The following AAGAB variants were observed in gnomAD, a reference collection of about 807,000 sequenced individuals.
The protein encoded by AAGAB is alpha- and gamma-adaptin-binding protein p34.
Under a neutral mutation model 44.1 loss-of-function variants are expected in AAGAB, and 38 were observed. That is an observed-to-expected ratio of 0.86 (90% CI 0.67 to 1.13). The LOEUF is 1.13. AAGAB is among the 50% of genes most tolerant of loss of function. The probability of loss-of-function intolerance (pLI) is 0.00; values close to 1 mark genes in which losing one functional copy is unlikely to be tolerated. For missense variants in AAGAB, 450 were observed against 373.8 expected (o/e 1.20, Z -1.68); for synonymous variants, 131 against 131.8 (o/e 0.99, Z 0.04).
Position 67,202,877 on chromosome 15 carries a change from C to T in AAGAB, c.892G>A (p.Ala298Thr), listed in dbSNP as rs1315807460. 8.1e-6 allele frequency: 13 copies of T among 1,613,972 alleles called. No homozygotes were observed. The highest frequency in any genetic ancestry group is 1.1e-5 in the Non-Finnish European group (13 of 1,179,962). The change falls in exon 10 of 10, where the codon GCA (alanine) becomes ACA (threonine). Residue 298 changes from alanine to threonine, a missense_variant. Physicochemically the swap from Ala to Thr is moderately conservative, Grantham distance 58 (BLOSUM62 0). Transcript: ENST00000261880. Reference protein sequence around the residue: ...AEKVAKAFWMAIGGDRDEIEG... With the variant: ...AEKVAKAFWMTIGGDRDEIEG... ...ATTTCATCTCTGTCTCCCCCGATTG[C>T]CATCCAGAATGCTTTGGCCACCTGT...
intron 5 of AAGAB, among the ~76,000 whole-genome samples, chr15:67,219,836 T>C (rs1381938257): frequency 6.6e-6 from 1 of 152,244 alleles, no homozygotes; most frequent in Non-Finnish European, 1.5e-5. Flanking sequence ...TCTAAGTTAA[T>C]ATAGAAGTTA....
intron 3 of AAGAB, 152 bp downstream of exon 3, chr15:67,236,256 T>C: frequency 3.3e-6 from 3 of 922,816 alleles, no homozygotes; most frequent in Non-Finnish European, 4.9e-6. Flanking sequence ...AAGTAAGTAT[T>C]ACAAGATTCC....
intron 1 of AAGAB, among the ~76,000 whole-genome samples, chr15:67,240,458 C>T (rs1293135377): frequency 6.6e-6 from 1 of 152,168 alleles, no homozygotes. Flanking sequence ...AGCTGTAATA[C>T]ATCATTTTTT....
At chr15:67,245,791 G>C (rs988332695) in intron 1 of AAGAB, among the ~76,000 whole-genome samples, 1 of 152,066 alleles carries the variant, frequency 6.6e-6, no homozygotes, top group African/African-American at 2.4e-5. Context: ...AAGTCAGATC[G>C]CTTAAAAAAG....
chr15:67,225,480 G>A (rs1433361295), intron 5 of AAGAB, among the ~76,000 whole-genome samples: 1 of 152,030 alleles, frequency 6.6e-6, no homozygotes, highest in African/African-American at 2.4e-5. Context: ...TATTCACAAA[G>A]TTGTGCAACC....
In AAGAB at chr15:67,254,616, G is replaced by C. The variant is rs756813133; in HGVS notation, c.16C>G (p.Pro6Ala). The change falls in exon 1 of 10, where the codon CCC becomes GCC. Residue 6 changes from proline to alanine, a missense_variant. Coordinates refer to ENST00000261880, the MANE Select transcript of AAGAB (RefSeq NM_024666.5). MAAGVPCALVTSCSSV... is the reference protein window; with the variant it reads MAAGVACALVTSCSSV... ...GAGCAGCTGGTGACTAACGCACAGG[G>C]TACGCCAGCAGCCATAGCTGCGCTC... The C allele has an allele frequency of 3.3e-5, 53 of 1,605,872 alleles. No homozygotes were observed. Among genetic ancestry groups the C allele is most frequent in the Middle Eastern group, 4.1e-4 (2 of 4,856 alleles).
At chr15:67,247,140 C>T (rs780055012) in intron 1 of AAGAB, among the ~76,000 whole-genome samples, 6 of 151,986 alleles carry the variant, frequency 3.9e-5, no homozygotes, top group Admixed American at 1.3e-4. Context: ...ACACTCACGG[C>T]GAAGGTCTGC....
upstream of AAGAB, chr15:67,254,665 C>T: frequency 6.3e-7 from 1 of 1,589,834 alleles, no homozygotes; most frequent in South Asian, 1.1e-5. Flanking sequence ...GTCAGGCAGC[C>T]GCTTCCGCCT....
chr15:67,243,888 T>C (rs1281712400), intron 1 of AAGAB, among the ~76,000 whole-genome samples: 2 of 152,164 alleles, frequency 1.3e-5, no homozygotes, highest in Non-Finnish European at 2.9e-5. Context: ...TTATTAACCA[T>C]AAAAATTATT....
chr15:67,247,927 C>T (rs1443254916), intron 1 of AAGAB, among the ~76,000 whole-genome samples: 3 of 152,188 alleles, frequency 2.0e-5, no homozygotes, highest in Non-Finnish European at 2.9e-5. Flanking sequence ...CACTCTGAAT[C>T]CACACAGTCT....
intron 7 of AAGAB, among the ~76,000 whole-genome samples, chr15:67,206,330 A>G (rs997267795): frequency 1.6e-4 from 25 of 152,366 alleles, no homozygotes; most frequent in African/African-American, 5.0e-4. Flanking sequence ...CCTTCATTAC[A>G]TAATTAAAGT....
intron 1 of AAGAB, among the ~76,000 whole-genome samples, chr15:67,250,907 G>A (rs1964851004): frequency 6.6e-6 from 1 of 152,076 alleles, no homozygotes; most frequent in Non-Finnish European, 1.5e-5. Flanking sequence ...GGCGCCTGTA[G>A]TCCCAGCTAC....
chr15:67,242,429 C>CAAAAA (rs59817309), intron 1 of AAGAB, among the ~76,000 whole-genome samples: 1 of 58,750 alleles, frequency 1.7e-5, no homozygotes, highest in African/African-American at 5.5e-5. Flanking sequence ...GACTCCGTCT[C>CAAAAA]AAAAAAAAAA....
intron 1 of AAGAB, among the ~76,000 whole-genome samples, chr15:67,249,711 A>T (rs923529769): frequency 2.0e-5 from 3 of 152,216 alleles, no homozygotes; most frequent in African/African-American, 7.2e-5. Context: ...TTAAATTAAA[A>T]TAGTTCTGAC....
chr15:67,248,819 CT>C (rs1964791193), intron 1 of AAGAB, among the ~76,000 whole-genome samples: 1 of 152,138 alleles, frequency 6.6e-6, no homozygotes, highest in Admixed American at 6.5e-5. Flanking sequence ...TTTCAGAAAC[CT>C]GAGGACCGGA....
At chr15:67,221,752 C>A (rs1416917681) in intron 5 of AAGAB, among the ~76,000 whole-genome samples, 5 of 152,134 alleles carry the variant, frequency 3.3e-5, no homozygotes, top group African/African-American at 9.7e-5. Flanking sequence ...AATATAGGAG[C>A]CTACTGATAT....
At chr15:67,203,027 C>T (rs1963602612) in intron 9 of AAGAB, 129 bp from the exon 10 acceptor site, 8 of 773,648 alleles carry the variant, frequency 1.0e-5, no homozygotes, top group Non-Finnish European at 1.8e-5. Flanking sequence ...CAACACATAT[C>T]AGAACCCTTG....
chr15:67,206,131 C>T (rs1034043091), intron 7 of AAGAB, among the ~76,000 whole-genome samples: 1 of 152,216 alleles, frequency 6.6e-6, no homozygotes, highest in African/African-American at 2.4e-5. Context: ...CAATTTGTGA[C>T]AGTTCCTCAG....
At position 67,246,589 on chromosome 15, in the gene AAGAB, TC is replaced by T. The variant is rs570396836; in HGVS notation, c.73+7969del. Among the ~76,000 whole-genome samples the T allele has an allele frequency of 2.1e-3, 314 of 152,288 alleles. 6 individuals carry two copies. Among genetic ancestry groups the T allele is most frequent in the Non-Finnish European group, 2.9e-4 (20 of 68,026 alleles). On this transcript the variant is annotated intron_variant, in intron 1 of 9. Coordinates refer to ENST00000261880, the MANE Select transcript of AAGAB (RefSeq NM_024666.5). Reference sequence around the variant, plus strand: ...TTTGAGAGATGAAGCCTGCTAGACTTCCTGGGTCGAGTGGGGACTAGCTAAA... The same window carrying T: ...TTTGAGAGATGAAGCCTGCTAGACTTCTGGGTCGAGTGGGGACTAGCTAAA...
Sources: gnomAD v4.1 joint callset for allele counts (sites outside exome capture counted in the v4.1 genomes callset) on GRCh38, gnomAD v4.1.1 for gene constraint, MANE v1.5 for transcripts, NCBI Gene and HGNC (gene_info 2026-07-23, HGNC 2026-07-21) for gene names.